Variants in TTLL6 observed in about 807,000 individuals in gnomAD.
TTLL6 encodes the protein tubulin tyrosine ligase like 6, also known as tubulin polyglutamylase TTLL6.
In TTLL6, 75 loss-of-function variants were observed where a neutral mutation model predicts 96.4. The observed-to-expected ratio is 0.78, with a 90% CI of 0.65 to 0.94. The LOEUF (loss-of-function observed/expected upper bound fraction) is 0.94. TTLL6 is among the 40% of genes least tolerant of loss of function. The pLI is 0.00. For synonymous variants in TTLL6, 411 were observed against 419.4 expected, an observed-to-expected ratio of 0.98 and a Z score of 0.24; for missense variants, 1,030 against 1,093.0, an observed-to-expected ratio of 0.94 and a Z score of 0.81.
chr17:48,768,262 T>G (rs953920530), intron 15 of TTLL6, among the ~76,000 whole-genome samples: 7 of 151,720 alleles, frequency 4.6e-5, no homozygotes, highest in Non-Finnish European at 8.8e-5. Flanking sequence ...ACCCAGCTAA[T>G]TTTTTAATTA....
At chr17:48,770,824 AG>A (rs2038728241) in intron 13 of TTLL6, among the ~76,000 whole-genome samples, 1 of 151,876 alleles carries the variant, frequency 6.6e-6, no homozygotes, top group Non-Finnish European at 1.5e-5. Context: ...TCCTGGAGGC[AG>A]GAGAATCACT....
chr17:48,769,519 CA>C (rs1220616721), intron 14 of TTLL6, among the ~76,000 whole-genome samples: 1 of 152,222 alleles, frequency 6.6e-6, no homozygotes, highest in Admixed American at 6.5e-5. Flanking sequence ...AACTGGACAG[CA>C]ATCTGTTTTT....
chr17:48,799,161 G>A (rs2039368100), intron 6 of TTLL6, among the ~76,000 whole-genome samples: 1 of 152,198 alleles, frequency 6.6e-6, no homozygotes, highest in Non-Finnish European at 1.5e-5. Flanking sequence ...TCCCTGCAAT[G>A]TTGTCCCCTG....
At position 48,790,089 on chromosome 17, in the gene TTLL6, G is replaced by C. The variant is rs2039191066; in HGVS notation, c.1242C>G (p.Ser414Arg). 1 of 1,613,630 alleles carries C rather than the reference G, an allele frequency of 6.2e-7. No individual in the cohort carries two copies. Among genetic ancestry groups the C allele is most frequent in the Non-Finnish European group, 8.5e-7 (1 of 1,179,880 alleles). The change falls in exon 10 of 16, where the codon AGC (serine) becomes AGG (arginine). Residue 414 changes from serine to arginine, a missense_variant. Physicochemically the swap from Ser to Arg is moderately radical, Grantham distance 110. Transcript: ENST00000393382. ...PWLLEVNHSP[S>R]FSTDSRLDKE... ...TATCCAACCGAGAGTCGGTGGAGAA[G>C]CTTGGAGAGTGGTTGACCTGTGAGG...
At chr17:48,787,699 C>A in intron 11 of TTLL6, 112 bp downstream of exon 11, 1 of 1,140,622 alleles carries the variant, frequency 8.8e-7, no homozygotes. Flanking sequence ...CCTGGTTGCT[C>A]TGGCAACTTT....
chr17:48,785,452 A>T (rs996922793), intron 12 of TTLL6, among the ~76,000 whole-genome samples: 11 of 152,196 alleles, frequency 7.2e-5, no homozygotes, highest in African/African-American at 2.2e-4. Context: ...TTCTGGCAAG[A>T]GATTCCATAG....
chr17:48,791,340 C>T (rs767108305), intron 9 of TTLL6, 38 bp downstream of exon 9: 2 of 1,575,150 alleles, frequency 1.3e-6, no homozygotes, highest in Non-Finnish European at 1.7e-6. Context: ...GCCCCAATAA[C>T]AGGAGTTCGT....
Position 48,768,976 on chromosome 17 carries a change from T to C in TTLL6, c.*13A>G, listed in dbSNP as rs769402432. The C allele has an allele frequency of 3.8e-5, 62 of 1,610,558 alleles. No individual in the cohort carries two copies. The highest frequency in any genetic ancestry group is 5.1e-5 in the Non-Finnish European group (60 of 1,177,376). ...ACGCACCAAATTCATTAAGGGAATA[T>C]GTGTGGGCCTACCTAGCTCCTCTCA... On this transcript the variant is annotated intron_variant, in intron 15 of 15. Transcript: ENST00000393382.
intron 9 of TTLL6, among the ~76,000 whole-genome samples, chr17:48,791,044 C>T (rs773881174): frequency 1.3e-5 from 2 of 152,160 alleles, no homozygotes; most frequent in African/African-American, 4.8e-5. Context: ...TGATACTGAA[C>T]GTTGCCAACC....
intron 8 of TTLL6, among the ~76,000 whole-genome samples, chr17:48,793,848 T>C (rs1732263653): frequency 6.6e-6 from 1 of 152,072 alleles, no homozygotes; most frequent in African/African-American, 2.4e-5. Context: ...AGTATGTAAA[T>C]TATCACTAGG....
intron 13 of TTLL6, among the ~76,000 whole-genome samples, chr17:48,773,586 G>A (rs1475128260): frequency 6.6e-6 from 1 of 152,134 alleles, no homozygotes; most frequent in East Asian, 1.9e-4. Context: ...GCTGGGCGTG[G>A]TGGTGCACGC....
chr17:48,815,334 C>T (rs888651340), intron 1 of TTLL6: 1 of 152,118 alleles, frequency 6.6e-6, no homozygotes, highest in Non-Finnish European at 1.5e-5. Flanking sequence ...CTTCACGTAC[C>T]TCCTTTTCAT....
chr17:48,804,767 C>G lies in TTLL6; in HGVS notation c.323+5G>C. ...GCTCCCCATTCCCCAGCTTTCAATC[C>G]TAACCTCTTTTTCTTCCTCTTCTTC... On this transcript the variant is annotated splice_donor_5th_base_variant and intron_variant, in intron 2 of 15. Coordinates refer to ENST00000393382, the MANE Select transcript of TTLL6 (RefSeq NM_001130918.3). 1 of 1,551,942 alleles carries G rather than the reference C, an allele frequency of 6.4e-7. No homozygotes were observed. Among genetic ancestry groups the G allele is most frequent in the Non-Finnish European group, 8.7e-7 (1 of 1,146,982 alleles).
chr17:48,810,775 A>ATG (rs1274600186), intron 1 of TTLL6, among the ~76,000 whole-genome samples: 1 of 93,524 alleles, frequency 1.1e-5, no homozygotes, highest in Non-Finnish European at 2.3e-5. Context: ...CATATATAGT[A>ATG]TGTGTGTATA....
At position 48,790,062 on chromosome 17, in the gene TTLL6, T is replaced by G. The variant is rs1278481560; in HGVS notation, c.1269A>C (p.Lys423Asn). 3 of 1,613,994 alleles carry G rather than the reference T, an allele frequency of 1.9e-6. No homozygotes were observed. Residue 423 changes from lysine (K) to asparagine (N), a missense_variant, in exon 10 of 16, where the codon AAA becomes AAC. Lys to Asn is a moderately conservative substitution (Grantham distance 94, BLOSUM62 0). Transcript: ENST00000393382. ...CATACAGCAGACCATCTTTCACCTC[T>G]TTATCCAACCGAGAGTCGGTGGAGA... The part of the protein sequence containing the change: ...PSFSTDSRLD[K>N]EVKDGLLYDT...
rs144752530 is a variant in TTLL6 at position 48,786,782 on chromosome 17, C to T, written c.1590-447G>A. On this transcript the variant is annotated intron_variant, in intron 11 of 15. Transcript: ENST00000393382. ...GTGACATAATATAGCAGAAATAACT[C>T]AGTCTCATGAATCAGGACACAGGGG... Among the ~76,000 whole-genome samples, 270 of 151,244 alleles carry T rather than the reference C, an allele frequency of 1.8e-3. 1 individual carries two copies. Among genetic ancestry groups the T allele is most frequent in the African/African-American group, 6.4e-3 (262 of 41,254 alleles).
rs1000527182 is a variant in TTLL6 at position 48,817,131 on chromosome 17, C to T, written c.-59G>A. The T allele has an allele frequency of 1.5e-6, 2 of 1,366,342 alleles. No homozygotes were observed. The highest frequency in any genetic ancestry group is 2.3e-5 in the Admixed American group (1 of 43,760). 84.6% of individuals were successfully genotyped at this position (1,366,342 alleles called of 1,614,324 possible). On this transcript the variant is annotated 5_prime_UTR_variant, in exon 1 of 16. Transcript: ENST00000393382. ...TCGCCCTAACTTTGGGTCCGCCCGG[C>T]CCTCATATTTGCATACGGGGCCTTC...
intron 1 of TTLL6, among the ~76,000 whole-genome samples, chr17:48,816,266 G>GC (rs199505276): frequency 0.012 from 1,751 of 151,422 alleles, 28 homozygotes; most frequent in African/African-American, 0.032. Flanking sequence ...AAAAAAGTGA[G>GC]CCCCCCCACC....
At chr17:48,774,749 T>C (rs745852044) in intron 13 of TTLL6, among the ~76,000 whole-genome samples, 3 of 152,164 alleles carry the variant, frequency 2.0e-5, no homozygotes, top group Non-Finnish European at 2.9e-5. Context: ...TTTTTTTAAA[T>C]TGAATTTTTA....
Sources: allele counts gnomAD v4.1 joint callset (sites outside exome capture counted in the v4.1 genomes callset), GRCh38; gene constraint gnomAD v4.1.1; transcripts MANE v1.5; gene names NCBI Gene and HGNC (gene_info 2026-07-23, HGNC 2026-07-21).